The following RPGRIP1 variants were observed in gnomAD, a reference collection of about 807,000 sequenced individuals.
RPGRIP1 encodes the protein X-linked retinitis pigmentosa GTPase regulator-interacting protein 1.
A neutral mutation model predicts 157.9 loss-of-function variants in RPGRIP1; 128 were observed. That is an observed-to-expected ratio of 0.81 (90% CI 0.70 to 0.94). The LOEUF is 0.94. Ranked by LOEUF, RPGRIP1 falls within the 40% of genes least tolerant of loss-of-function variation. RPGRIP1 has a pLI of 0.00. For missense variants in RPGRIP1, 1,486 were observed against 1,545.8 expected (o/e 0.96, Z 0.65); for synonymous variants, 554 against 571.6 (o/e 0.97, Z 0.44).
chr14:21,317,939 C>T (rs1421741810), intron 11 of RPGRIP1, 89 bp downstream of exon 11: 57 of 1,096,156 alleles, frequency 5.2e-5, no homozygotes, highest in Non-Finnish European at 7.3e-5. Flanking sequence ...TTTCTTTAAT[C>T]CCCTCACTTG....
At chr14:21,296,970 T>C (rs899335766) in intron 3 of RPGRIP1, among the ~76,000 whole-genome samples, 2 of 149,856 alleles carry the variant, frequency 1.3e-5, no homozygotes, top group Non-Finnish European at 3.0e-5. Flanking sequence ...AAAAAAAAAG[T>C]ATTAATTCAT....
At position 21,311,874 on chromosome 14, in the gene RPGRIP1, T is replaced by C; in HGVS notation, c.981T>C (p.Asn327=). The C allele has an allele frequency of 6.2e-7, 1 of 1,611,144 alleles. No individual in the cohort carries two copies. The highest frequency in any genetic ancestry group is 8.5e-7 in the Non-Finnish European group (1 of 1,178,906). The change falls in exon 9 of 25, where the codon AAT becomes AAC. Residue 327 remains asparagine, a synonymous_variant. Transcript: ENST00000400017. ...ATGAGGCCCTCCTCAAGCAAGTGAA[T>C]GAGCTCAGGGCAGAGCTGAAGGAAG... ...AAHEALLKQV[N]ELRAELKEES...
intron 12 of RPGRIP1, among the ~76,000 whole-genome samples, chr14:21,320,680 G>A (rs1882356344): frequency 6.9e-6 from 1 of 145,122 alleles, no homozygotes; most frequent in Non-Finnish European, 1.5e-5. Flanking sequence ...GCTCACTACA[G>A]TCTTTGCCTC....
At chr14:21,298,463 G>A (rs1265848535) in intron 3 of RPGRIP1, among the ~76,000 whole-genome samples, 1 of 152,034 alleles carries the variant, frequency 6.6e-6, no homozygotes, top group African/African-American at 2.4e-5. Flanking sequence ...TTGCGCCACT[G>A]CACTCCAGGC....
At chr14:21,314,465 G>T (rs1470202183) in intron 10 of RPGRIP1, among the ~76,000 whole-genome samples, 4 of 152,088 alleles carry the variant, frequency 2.6e-5, no homozygotes, top group African/African-American at 9.7e-5. Flanking sequence ...AAAAGAACTG[G>T]AAGTGGCCTG....
At chr14:21,347,827 C>G (rs918688383) in intron 23 of RPGRIP1, among the ~76,000 whole-genome samples, 1 of 152,140 alleles carries the variant, frequency 6.6e-6, no homozygotes, top group Non-Finnish European at 1.5e-5. Flanking sequence ...CTCCTGGGCT[C>G]AAGTGATCTC....
At chr14:21,320,285 G>C in intron 12 of RPGRIP1, 108 bp downstream of exon 12, 11 of 1,054,020 alleles carry the variant, frequency 1.0e-5, no homozygotes, top group Non-Finnish European at 1.4e-5. Context: ...ATTTTGTCCT[G>C]ACTGAGGACA....
intron 2 of RPGRIP1, among the ~76,000 whole-genome samples, chr14:21,291,188 G>C (rs1368377037): frequency 6.6e-6 from 1 of 151,926 alleles, no homozygotes; most frequent in Non-Finnish European, 1.5e-5. Context: ...TTTTAAATTG[G>C]ATTATTTGTC....
intron 20 of RPGRIP1, among the ~76,000 whole-genome samples, chr14:21,332,908 A>T (rs1236993828): frequency 6.6e-6 from 1 of 152,172 alleles, no homozygotes; most frequent in African/African-American, 2.4e-5. Flanking sequence ...GCTTGAGACT[A>T]GCCTGGCCAA....
intron 23 of RPGRIP1, among the ~76,000 whole-genome samples, chr14:21,345,969 G>A (rs1171332778): frequency 6.6e-6 from 1 of 151,878 alleles, no homozygotes; most frequent in East Asian, 1.9e-4. Context: ...ACAGGTGCAC[G>A]CCACTTGCCT....
chr14:21,303,371 A>C lies in RPGRIP1; in HGVS notation c.628A>C (p.Ile210Leu). The C allele has an allele frequency of 1.2e-6, 2 of 1,613,784 alleles. No homozygotes were observed. Among genetic ancestry groups the C allele is most frequent in the Non-Finnish European group, 1.7e-6 (2 of 1,179,798 alleles). The change falls in exon 6 of 25, where the codon ATA (isoleucine) becomes CTA (leucine). Residue 210 changes from isoleucine to leucine, a missense_variant. Coordinates refer to ENST00000400017, the MANE Select transcript of RPGRIP1 (RefSeq NM_020366.4). Reference protein sequence around the residue: ...SNSIISFSSVISMAKPIGLCM... With the variant: ...SNSIISFSSVLSMAKPIGLCM... ...CAGCATAATTTCTTTCAGCAGTGTC[A>C]TAAGTATGGCTAAACCCATTGGTCT... is the stretch of plus-strand genomic sequence containing the variant.
chr14:21,329,851 C>G (rs1594228777), intron 19 of RPGRIP1, among the ~76,000 whole-genome samples: 1 of 151,242 alleles, frequency 6.6e-6, no homozygotes, highest in Non-Finnish European at 1.5e-5. Flanking sequence ...GGCATGGTGA[C>G]TCACGCCTAT....
chr14:21,310,982 C>G lies in RPGRIP1; in HGVS notation c.930+375C>G. The stretch of plus-strand genomic sequence containing the variant: ...TCTCAGATGGTCTTAAATATTTGGC[C>G]CTATTCACCACTGTGAGTGGGCTGC... On this transcript the variant is annotated intron_variant, in intron 8 of 24. Transcript: ENST00000400017. 7.8e-6 allele frequency: 4 copies of G among 511,626 alleles called. No individual in the cohort carries two copies. The Admixed American group carries it at 8.2e-5, about 10-fold the overall frequency. 31.7% of individuals were successfully genotyped at this position (511,626 alleles called of 1,614,324 possible).
rs749295693 is a variant in RPGRIP1, at chr14:21,334,637, A to C, written c.3271A>C (p.Ser1091Arg). Reference sequence around the variant, plus strand: ...ATCCTCTGAACAAGGTTCTGAAGTCAGTGAAGCACAAACTACCGACAGTGA... The same window carrying C: ...ATCCTCTGAACAAGGTTCTGAAGTCCGTGAAGCACAAACTACCGACAGTGA... Reference protein sequence around the residue: ...KESSEQGSEVSEAQTTDSDDV... With the variant: ...KESSEQGSEVREAQTTDSDDV... The change falls in exon 21 of 25, where the codon AGT (serine) becomes CGT (arginine). Residue 1091 changes from serine to arginine, a missense_variant. Coordinates refer to ENST00000400017, the MANE Select transcript of RPGRIP1 (RefSeq NM_020366.4). 6.2e-7 allele frequency: 1 copy of C among 1,609,536 alleles called. No individual in the cohort carries two copies. Among genetic ancestry groups the C allele is most frequent in the Non-Finnish European group, 8.5e-7 (1 of 1,178,348 alleles).
At position 21,321,305 on chromosome 14, in the gene RPGRIP1, T is replaced by C; in HGVS notation, c.1514T>C (p.Leu505Pro). ...GAAGAAAAGAAACTGTCCCAGGTGC[T>C]AAATGAGTTGCAAGTATCACACGCA... is the stretch of plus-strand genomic sequence containing the variant. Reference protein sequence around the residue: ...NQEEKKLSQVLNELQVSHAET... With the variant: ...NQEEKKLSQVPNELQVSHAET... The change falls in exon 13 of 25, where the codon CTA becomes CCA. Residue 505 changes from leucine to proline, a missense_variant. Leu to Pro is a moderately conservative substitution (Grantham distance 98). Coordinates refer to ENST00000400017, the MANE Select transcript of RPGRIP1 (RefSeq NM_020366.4). 1 of 1,613,996 alleles carries C rather than the reference T, an allele frequency of 6.2e-7. No individual in the cohort carries two copies. The highest frequency in any genetic ancestry group is 8.5e-7 in the Non-Finnish European group (1 of 1,179,870).
chr14:21,303,972 G>A, intron 6 of RPGRIP1, among the ~76,000 whole-genome samples: 2 of 136,684 alleles, frequency 1.5e-5, no homozygotes. Context: ...TGGGCAACAA[G>A]AACAAAACTT....
At chr14:21,348,467 TAGTC>T (rs1885791501) in intron 24 of RPGRIP1, among the ~76,000 whole-genome samples, 165 bp downstream of exon 24, 1 of 152,142 alleles carries the variant, frequency 6.6e-6, no homozygotes, top group Non-Finnish European at 1.5e-5. Context: ...AACATTAAAG[TAGTC>T]AGTTGTGTAT....
Position 21,325,494 on chromosome 14 carries a change from G to A in RPGRIP1, c.2367+111G>A. ...GTGTTTGTTGAATGTGAATGAAAGA[G>A]AAAACTGTCACACCACAACTAGTCT... On this transcript the variant is annotated intron_variant, in intron 16 of 24. Transcript: ENST00000400017. 5 of 1,060,042 alleles carry A rather than the reference G, an allele frequency of 4.7e-6. No individual in the cohort carries two copies. The South Asian group carries it at 8.3e-5, about 18-fold the overall frequency. 65.7% of individuals were successfully genotyped at this position (1,060,042 alleles called of 1,614,324 possible).
chr14:21,306,772 A>G (rs1176617828), intron 6 of RPGRIP1, among the ~76,000 whole-genome samples: 1 of 141,746 alleles, frequency 7.1e-6, no homozygotes, highest in African/African-American at 2.6e-5. Context: ...TACTATTATT[A>G]TTATTATTAT....
Sources: gnomAD v4.1 joint callset for allele counts (sites outside exome capture counted in the v4.1 genomes callset) on GRCh38, gnomAD v4.1.1 for gene constraint, MANE v1.5 for transcripts, NCBI Gene and HGNC (gene_info 2026-07-23, HGNC 2026-07-21) for gene names.